PATJ: variants seen among roughly 807,000 people sequenced by gnomAD.
The protein encoded by PATJ is PATJ crumbs cell polarity complex component.
In PATJ, 190 loss-of-function variants were observed where a neutral mutation model predicts 224.9. That is an observed-to-expected ratio of 0.84 (90% CI 0.75 to 0.95). PATJ has a LOEUF of 0.95. PATJ is among the 40% of genes least tolerant of loss of function. The pLI, the probability that PATJ is intolerant of heterozygous loss-of-function variation, is 0.00. For synonymous variants in PATJ, 769 were observed against 820.3 expected, an observed-to-expected ratio of 0.94 and a Z score of 1.07; for missense variants, 2,121 against 2,270.3, an observed-to-expected ratio of 0.93 and a Z score of 1.34.
chr1:61,814,594 T>C (rs1348626267), intron 14 of PATJ, among the ~76,000 whole-genome samples: 1 of 151,694 alleles, frequency 6.6e-6, no homozygotes, highest in African/African-American at 2.4e-5. Flanking sequence ...GTGTAGTTTT[T>C]CCATGTAACA....
At chr1:61,824,438 T>TA (rs368808712) in intron 15 of PATJ, among the ~76,000 whole-genome samples, 1 of 150,762 alleles carries the variant, frequency 6.6e-6, no homozygotes, top group African/African-American at 2.4e-5. Context: ...CCTTTTTTTT[T>TA]TTTTAGAGTC....
At chr1:62,120,922 A>G (rs1284717176) in intron 37 of PATJ, 6 of 390,134 alleles carry the variant, frequency 1.5e-5, no homozygotes, top group African/African-American at 4.1e-5. Context: ...AAATGATTCT[A>G]TGGTCTCCAC....
chr1:61,843,371 TTC>T (rs1661420073), intron 17 of PATJ, among the ~76,000 whole-genome samples: 1 of 152,216 alleles, frequency 6.6e-6, no homozygotes, highest in Non-Finnish European at 1.5e-5. Flanking sequence ...GTCTTTCTTA[TTC>T]TCTGTTTACT....
chr1:61,935,365 G>A (rs766045212), intron 27 of PATJ, among the ~76,000 whole-genome samples: 94 of 152,224 alleles, frequency 6.2e-4, no homozygotes, highest in Middle Eastern at 3.4e-3. Context: ...GCTGTCATAG[G>A]TATTTTGTTT....
rs1447935744 is a variant in PATJ at position 62,163,890 on chromosome 1, T to G, written c.*2836T>G. The G allele has an allele frequency of 6.6e-6, 1 of 152,088 alleles. No individual in the cohort carries two copies. Among genetic ancestry groups the G allele is most frequent in the Non-Finnish European group, 1.5e-5 (1 of 68,018 alleles). The allele number at this position is 152,088 out of a possible 1,614,324, so 9.4% of individuals were successfully genotyped here. The stretch of plus-strand genomic sequence containing the variant: ...GTATGTGTAAGATATTTCCAAAGAT[T>G]CTAAATAAATGTAGTTGCCTACAGA... On this transcript the variant is annotated 3_prime_UTR_variant, in exon 44 of 44. Transcript: ENST00000642238.
rs567504790 is a variant in PATJ, at chr1:61,947,254, A to G, written c.3670+19425A>G. Among the ~76,000 whole-genome samples, 71 of 152,334 alleles carry G rather than the reference A, an allele frequency of 4.7e-4. No homozygotes were observed. In the East Asian group the frequency reaches 0.011, roughly 24 times the overall value. On this transcript the variant is annotated intron_variant, in intron 27 of 43. Transcript: ENST00000642238. ...AGGAGAAAGAAATAAAGCATATTCA[A>G]TTAGGAAGAGAGGAAGTCAAACTGT...
At position 62,086,083 on chromosome 1, in the gene PATJ, C is replaced by T. The variant is rs1256394317; in HGVS notation, c.4377+1435C>T. ...CCTACCTTAGCCTCCCAAAATGCTG[C>T]AATTACAGGCATGAGCCACTGTGCC... is the stretch of plus-strand genomic sequence containing the variant. On this transcript the variant is annotated intron_variant, in intron 33 of 43. Coordinates refer to ENST00000642238, the MANE Select transcript of PATJ (RefSeq NM_001350145.3). This position sits in a 1 kb window ranked among gnomAD's most constrained non-coding sequence, Gnocchi z 4.0. Among the ~76,000 whole-genome samples, 1 of 152,010 alleles carries T rather than the reference C, an allele frequency of 6.6e-6. No individual in the cohort carries two copies. Among genetic ancestry groups the T allele is most frequent in the Non-Finnish European group, 1.5e-5 (1 of 68,020 alleles).
intron 27 of PATJ, among the ~76,000 whole-genome samples, chr1:61,961,594 G>T (rs1681290254): frequency 6.6e-6 from 1 of 152,200 alleles, no homozygotes; most frequent in South Asian, 2.1e-4. Context: ...AGACAGGCCT[G>T]CTGACTGCAG....
chr1:61,937,445 C>T (rs1677056324), intron 27 of PATJ, among the ~76,000 whole-genome samples: 1 of 152,018 alleles, frequency 6.6e-6, no homozygotes, highest in South Asian at 2.1e-4. Context: ...GAGTGCCATA[C>T]TATTTTCCTG....
chr1:61,755,169 C>T lies in PATJ; in HGVS notation c.-35-7689C>T, dbSNP rs139463439. ...AAAAATACAAAAAAAATTAGCCGGG[C>T]GTAGTGGCGGGTGCCTGTAGTCCCA... On this transcript the variant is annotated intron_variant, in intron 1 of 43. Transcript: ENST00000642238. Among the ~76,000 whole-genome samples, 1,369 of 151,524 alleles carry T rather than the reference C, an allele frequency of 9.0e-3. 23 individuals are homozygous for T. The highest frequency in any genetic ancestry group is 0.031 in the African/African-American group (1,298 of 41,300).
chr1:61,760,619 C>CTTTTTTTTTTTT (rs200693394), intron 1 of PATJ, among the ~76,000 whole-genome samples: 6 of 135,480 alleles, frequency 4.4e-5, no homozygotes, highest in Non-Finnish European at 7.9e-5. Context: ...TTTTCTTTTT[C>CTTTTTTTTTTTT]TTTTTTTTTT....
At chr1:61,824,367 C>CTT (rs35999250) in intron 15 of PATJ, among the ~76,000 whole-genome samples, 5 of 135,160 alleles carry the variant, frequency 3.7e-5, no homozygotes, top group African/African-American at 2.7e-5. Flanking sequence ...ACCCGGTCCA[C>CTT]TTTTTTTTTT....
intron 1 of PATJ, among the ~76,000 whole-genome samples, chr1:61,749,478 C>CA (rs1645204124): frequency 6.6e-6 from 1 of 152,078 alleles, no homozygotes; most frequent in Non-Finnish European, 1.5e-5. Context: ...AATCAACTGG[C>CA]AAAAAGTTGA....
rs746524531 is a variant in PATJ, at chr1:62,123,041, A to G, written c.5026A>G (p.Thr1676Ala). 3 of 1,596,852 alleles carry G rather than the reference A, an allele frequency of 1.9e-6. No individual in the cohort carries two copies. The highest frequency in any genetic ancestry group is 1.7e-6 in the Non-Finnish European group (2 of 1,169,496). Residue 1676 changes from threonine to alanine, a missense_variant, in exon 39 of 44, where the codon ACT (threonine) becomes GCT (alanine). Coordinates refer to ENST00000642238, the MANE Select transcript of PATJ (RefSeq NM_001350145.3). ...KNSGTDMEPR[T>A]VEINRELSDA... is the part of the protein sequence containing the mutation. The stretch of plus-strand genomic sequence containing the variant: ...TATAGGCACAGATATGGAACCAAGG[A>G]CTGTTGAGATAAACAGGGTAAGTCA...
intron 26 of PATJ, 125 bp from the exon 27 acceptor site, chr1:61,927,605 C>T (rs191156386): frequency 1.5e-4 from 90 of 617,040 alleles, no homozygotes; most frequent in African/African-American, 1.4e-3. Flanking sequence ...TTACAGTCCT[C>T]ATGATATGAA....
chr1:62,153,315 CAATATCTATTCTCGAATTA>C, intron 42 of PATJ, 24 bp from the exon 43 acceptor site: 1 of 1,212,712 alleles, frequency 8.2e-7, no homozygotes, highest in Non-Finnish European at 1.0e-6. Context: ...AATTCCCTCT[CAATATCTATTCTCGAATTA>C]AACAGCATGC....
chr1:62,011,801 A>G (rs376367832), intron 28 of PATJ, among the ~76,000 whole-genome samples: 3 of 151,916 alleles, frequency 2.0e-5, no homozygotes, highest in East Asian at 1.9e-4. Context: ...TCAAGGTGCA[A>G]TTTGTTTGCA....
chr1:61,882,717 T>C (rs1305402145), intron 21 of PATJ, among the ~76,000 whole-genome samples: 1 of 152,116 alleles, frequency 6.6e-6, no homozygotes, highest in Non-Finnish European at 1.5e-5. Context: ...TTCCGAGTAG[T>C]TGAGATTACA....
chr1:61,984,952 C>A (rs181163647), intron 27 of PATJ, among the ~76,000 whole-genome samples: 2,045 of 152,098 alleles, frequency 0.013, 39 homozygotes, highest in Middle Eastern at 0.041. Context: ...GGATTCAATT[C>A]ATAGTAATTC....
Sources: gnomAD v4.1 joint callset for allele counts (sites outside exome capture counted in the v4.1 genomes callset) on GRCh38, gnomAD v4.1.1 for gene constraint, Gnocchi (gnomAD v3.1) non-coding constraint, MANE v1.5 for transcripts, NCBI Gene and HGNC (gene_info 2026-07-23, HGNC 2026-07-21) for gene names.